ATP8B1: variants seen among roughly 807,000 people sequenced by gnomAD.
The protein encoded by ATP8B1 is phospholipid-transporting ATPase IC.
A neutral mutation model predicts 149.9 loss-of-function variants in ATP8B1; 80 were observed. The ratio of observed to expected loss-of-function variants is 0.53; its 90% confidence interval spans 0.45 to 0.64. The LOEUF (loss-of-function observed/expected upper bound fraction) is 0.64, where lower values mean the gene tolerates loss of function less well. ATP8B1 is among the 30% of genes least tolerant of loss of function. The pLI is 0.00. For synonymous variants in ATP8B1, 536 were observed against 562.8 expected (o/e 0.95, Z 0.67); for missense variants, 1,247 against 1,552.6 (o/e 0.80, Z 3.31).
intron 19 of ATP8B1, chr18:57,668,155 C>T (rs941720195): frequency 1.0e-5 from 14 of 1,381,510 alleles, no homozygotes; most frequent in Non-Finnish European, 1.3e-5. Flanking sequence ...GACGGGAACC[C>T]ACGTCTGGCT....
At chr18:57,662,698 A>G in intron 20 of ATP8B1, 83 bp from the exon 21 acceptor site, 2 of 1,485,906 alleles carry the variant, frequency 1.3e-6, no homozygotes, top group Non-Finnish European at 1.8e-6. Flanking sequence ...CTTAAAAAAA[A>G]TTGTGACAAA....
chr18:57,680,615 C>CAAAACA (rs1555691199), intron 15 of ATP8B1, among the ~76,000 whole-genome samples: 89 of 137,776 alleles, frequency 6.5e-4, no homozygotes, highest in African/African-American at 2.0e-3. Flanking sequence ...CAAAACAAAA[C>CAAAACA]AAAAAAAAAA....
At chr18:57,684,980 G>T in intron 14 of ATP8B1, 92 bp downstream of exon 14, 1 of 1,508,636 alleles carries the variant, frequency 6.6e-7, no homozygotes. Context: ...GGCAACGAAA[G>T]AGTCTTCCCT....
At chr18:57,746,039 T>C (rs1168596191) in intron 1 of ATP8B1, among the ~76,000 whole-genome samples, 1 of 152,176 alleles carries the variant, frequency 6.6e-6, no homozygotes, top group Non-Finnish European at 1.5e-5. Flanking sequence ...ACGTAGGAAA[T>C]GTTTTACAGT....
At position 57,705,642 on chromosome 18, in the gene ATP8B1, T is replaced by C. The variant is rs180893068; in HGVS notation, c.279+848A>G. ...GCCAAGGAACTCCAAGGATTGCCAG[T>C]GGCCACCAGAAGCCAGGGGAGAGGC... is the stretch of plus-strand genomic sequence containing the variant. On this transcript the variant is annotated intron_variant, in intron 3 of 27. Transcript: ENST00000648908. Among the ~76,000 whole-genome samples the C allele has an allele frequency of 2.8e-3, 427 of 152,210 alleles. 2 individuals are homozygous for C. The highest frequency in any genetic ancestry group is 9.5e-3 in the African/African-American group (394 of 41,536).
chr18:57,655,975 CAG>C (rs1417783831), intron 22 of ATP8B1, among the ~76,000 whole-genome samples: 2 of 152,216 alleles, frequency 1.3e-5, no homozygotes, highest in African/African-American at 4.8e-5. Flanking sequence ...AGAAGTGAAT[CAG>C]AGCCCAGCAT....
intron 2 of ATP8B1, among the ~76,000 whole-genome samples, chr18:57,728,204 G>A (rs1228050071): frequency 6.6e-6 from 1 of 152,180 alleles, no homozygotes; most frequent in Non-Finnish European, 1.5e-5. Context: ...AACTAGCGCA[G>A]TTCAGGCTGC....
intron 1 of ATP8B1, among the ~76,000 whole-genome samples, chr18:57,790,330 A>G (rs1164137819): frequency 6.6e-6 from 1 of 150,654 alleles, no homozygotes; most frequent in Non-Finnish European, 1.5e-5. Flanking sequence ...CCAACAACCA[A>G]CCCATTCCCC....
chr18:57,677,328 A>C (rs1336252970), intron 15 of ATP8B1, among the ~76,000 whole-genome samples: 1 of 152,234 alleles, frequency 6.6e-6, no homozygotes, highest in Non-Finnish European at 1.5e-5. Context: ...TTCAATAAAA[A>C]GTTTAAAAAA....
At chr18:57,691,661 C>G (rs1400369949) in intron 12 of ATP8B1, 146 bp downstream of exon 12, 22 of 1,091,098 alleles carry the variant, frequency 2.0e-5, no homozygotes, top group Non-Finnish European at 2.8e-5. Context: ...CTTTTCCTCT[C>G]TTACCCTCAA....
At chr18:57,769,198 T>C (rs890544540) in intron 1 of ATP8B1, among the ~76,000 whole-genome samples, 3 of 152,154 alleles carry the variant, frequency 2.0e-5, no homozygotes, top group Non-Finnish European at 4.4e-5. Flanking sequence ...AAACCTCTGA[T>C]GGCCAGGAAG....
At position 57,725,781 on chromosome 18, in the gene ATP8B1, A is replaced by G. The variant is rs189096499; in HGVS notation, c.181+5846T>C. Among the ~76,000 whole-genome samples, 3 of 152,380 alleles carry G rather than the reference A, an allele frequency of 2.0e-5. No homozygotes were observed. The East Asian group carries it at 5.8e-4, about 29-fold the overall frequency. On this transcript the variant is annotated intron_variant, in intron 2 of 27. Coordinates refer to ENST00000648908, the MANE Select transcript of ATP8B1 (RefSeq NM_001374385.1). ...AGGTGCCAAGAACATACATTGGGGA[A>G]AGGCAGTCTCTTCAATAAATGATGC...
At chr18:57,681,589 T>A (rs1378246147) in intron 15 of ATP8B1, among the ~76,000 whole-genome samples, 2 of 152,002 alleles carry the variant, frequency 1.3e-5, no homozygotes, top group Non-Finnish European at 2.9e-5. Flanking sequence ...TCACCTGAAA[T>A]CAGGAGTTGG....
chr18:57,718,278 A>G (rs2079605115), intron 2 of ATP8B1, among the ~76,000 whole-genome samples: 1 of 152,124 alleles, frequency 6.6e-6, no homozygotes, highest in Non-Finnish European at 1.5e-5. Context: ...ATAAATTCCT[A>G]GATACATAAA....
chr18:57,661,329 T>G lies in ATP8B1; in HGVS notation c.2552A>C (p.Lys851Thr). The part of the protein sequence containing the change: ...RLEAKKEQRQ[K>T]NFVDLACECS... ...CTCGCAGGCCAGGTCCACAAAGTTT[T>G]TCTGCCGCTGCTCTTTCTTAGCTTC... The change falls in exon 22 of 28, where the codon AAA becomes ACA. Residue 851 changes from lysine to threonine, a missense_variant. Around this residue, in one of 3 missense-constraint regions of ATP8B1, gnomAD observed 853 missense variants for 1,035.7 expected, o/e 0.82. Transcript: ENST00000648908. The G allele has an allele frequency of 6.2e-7, 1 of 1,614,076 alleles. No individual in the cohort carries two copies. The highest frequency in any genetic ancestry group is 8.5e-7 in the Non-Finnish European group (1 of 1,180,030).
intron 3 of ATP8B1, 103 bp from the exon 4 acceptor site, chr18:57,704,771 C>T: frequency 1.3e-6 from 1 of 766,326 alleles, no homozygotes; most frequent in Non-Finnish European, 2.3e-6. Context: ...GACAAAGGAA[C>T]ATCATCTGTC....
chr18:57,756,586 C>T (rs1280617155), intron 1 of ATP8B1, among the ~76,000 whole-genome samples: 1 of 152,102 alleles, frequency 6.6e-6, no homozygotes, highest in African/African-American at 2.4e-5. Flanking sequence ...GCGTGAGCCA[C>T]TGTGCCCGGC....
chr18:57,671,225 C>G (rs574512942), intron 17 of ATP8B1, among the ~76,000 whole-genome samples: 77 of 152,272 alleles, frequency 5.1e-4, no homozygotes, highest in African/African-American at 1.8e-3. Flanking sequence ...CTGCCTCAGT[C>G]CTATAGACCT....
intron 27 of ATP8B1, 140 bp from the exon 28 acceptor site, chr18:57,648,852 T>TTGTGTGTG (rs1161789963): frequency 2.1e-4 from 115 of 557,454 alleles, no homozygotes; most frequent in Middle Eastern, 4.8e-4. Flanking sequence ...CTGTCCCCAC[T>TTGTGTGTG]TGTGTGTGTG....
Sources: allele counts gnomAD v4.1 joint callset (sites outside exome capture counted in the v4.1 genomes callset), GRCh38; gene constraint gnomAD v4.1.1; regional missense constraint gnomAD v4.1.1; transcripts MANE v1.5; gene names NCBI Gene and HGNC (gene_info 2026-07-23, HGNC 2026-07-21).